The following ANKFN1 variants were observed in gnomAD, a reference collection of about 807,000 sequenced individuals.
ANKFN1 encodes the protein ankyrin repeat and fibronectin type-III domain-containing protein 1.
In ANKFN1, 74 loss-of-function variants were observed where a neutral mutation model predicts 108.7. The ratio of observed to expected loss-of-function variants is 0.68; its 90% confidence interval spans 0.56 to 0.83. ANKFN1 has a LOEUF of 0.83. ANKFN1 is among the 40% of genes least tolerant of loss of function. The pLI is 0.00. For synonymous variants in ANKFN1, 547 were observed against 516.2 expected, an observed-to-expected ratio of 1.06 and a Z score of -0.81; for missense variants, 1,505 against 1,382.3, an observed-to-expected ratio of 1.09 and a Z score of -1.41.
chr17:56,381,983 G>A (rs545779862), intron 8 of ANKFN1, among the ~76,000 whole-genome samples: 191 of 152,118 alleles, frequency 1.3e-3, no homozygotes, highest in African/African-American at 4.5e-3. Flanking sequence ...ACACATAATT[G>A]TCAGATTCAC....
rs183442177 is a variant in ANKFN1 at position 56,254,486 on chromosome 17, G to T, written c.53+26529G>T. Among the ~76,000 whole-genome samples the T allele has an allele frequency of 6.6e-5, 10 of 152,288 alleles. No homozygotes were observed. In the East Asian group the frequency reaches 1.9e-3, roughly 29 times the overall value. On this transcript the variant is annotated intron_variant, in intron 3 of 20. Coordinates refer to ENST00000682825, the MANE Select transcript of ANKFN1 (RefSeq NM_001370326.1). ...TGAATGACTGTGCTTCCTTTCCATA[G>T]CCAGGATGTCCCAGTATGTCCTTTC...
intron 6 of ANKFN1, among the ~76,000 whole-genome samples, chr17:56,369,932 T>C (rs1201343591): frequency 2.6e-5 from 4 of 152,218 alleles, no homozygotes; most frequent in Admixed American, 6.5e-5. Context: ...TTTCCCTTTT[T>C]TCAAAATCTT....
chr17:56,487,525 C>CAA (rs528515094), intron 18 of ANKFN1, among the ~76,000 whole-genome samples: 1 of 138,960 alleles, frequency 7.2e-6, no homozygotes, highest in African/African-American at 2.7e-5. Context: ...ACTAGAAAGA[C>CAA]AAAAAAAAAA....
At chr17:56,216,518 C>G (rs920228618) in intron 2 of ANKFN1, among the ~76,000 whole-genome samples, 1 of 152,212 alleles carries the variant, frequency 6.6e-6, no homozygotes, top group Non-Finnish European at 1.5e-5. Context: ...TTCAGTCAAA[C>G]AGCTCTTACT....
chr17:56,322,951 A>G (rs1040238521), intron 3 of ANKFN1, among the ~76,000 whole-genome samples: 9 of 152,204 alleles, frequency 5.9e-5, no homozygotes, highest in South Asian at 4.1e-4. Flanking sequence ...TAATATCTGC[A>G]TATAATAAAT....
intron 8 of ANKFN1, among the ~76,000 whole-genome samples, chr17:56,413,656 C>A (rs151241672): frequency 2.0e-5 from 3 of 152,088 alleles, no homozygotes; most frequent in South Asian, 2.1e-4. Context: ...TTATTGAAAG[C>A]CTTTTCTGCA....
chr17:56,244,693 C>A (rs1011887731), intron 3 of ANKFN1, among the ~76,000 whole-genome samples: 10 of 152,128 alleles, frequency 6.6e-5, no homozygotes, highest in Non-Finnish European at 1.2e-4. Context: ...ACAACCTCAG[C>A]AGAGCAGTTA....
At chr17:56,267,704 ATG>A (rs1401635654) in intron 3 of ANKFN1, among the ~76,000 whole-genome samples, 2 of 152,110 alleles carry the variant, frequency 1.3e-5, no homozygotes, top group Admixed American at 1.3e-4. Flanking sequence ...AGATGGTTGT[ATG>A]TGTGCAGCTT....
chr17:56,178,631 T>C (rs4794624), intron 1 of ANKFN1, among the ~76,000 whole-genome samples: 72,373 of 151,850 alleles, frequency 0.48, 17,457 homozygotes, highest in South Asian at 0.64. Flanking sequence ...ATTTTTAAAA[T>C]TCAACCTTGA....
At chr17:56,323,976 A>G (rs2045446217) in intron 3 of ANKFN1, among the ~76,000 whole-genome samples, 1 of 152,210 alleles carries the variant, frequency 6.6e-6, no homozygotes, top group South Asian at 2.1e-4. Flanking sequence ...GGGGCTAGAA[A>G]AATATCTCTG....
intron 4 of ANKFN1, among the ~76,000 whole-genome samples, chr17:56,335,530 G>A (rs139227212): frequency 0.11 from 16,378 of 152,032 alleles, 1,751 homozygotes; most frequent in African/African-American, 0.28. Flanking sequence ...TGTTATTGGT[G>A]TATAGGAATG....
intron 4 of ANKFN1, among the ~76,000 whole-genome samples, chr17:56,058,925 T>A (rs1335468635): frequency 1.3e-5 from 2 of 152,236 alleles, no homozygotes; most frequent in Non-Finnish European, 1.5e-5. Context: ...AGTAGAATGA[T>A]TTATAACCCT....
chr17:56,473,612 C>T (rs540413787), intron 15 of ANKFN1: 1 of 140,412 alleles, frequency 7.1e-6, no homozygotes, highest in Admixed American at 7.5e-5. Flanking sequence ...CGAGCCACCA[C>T]ACTCCAGCCT....
intron 3 of ANKFN1, 56 bp downstream of exon 3, chr17:56,228,013 C>T: frequency 6.8e-7 from 1 of 1,464,928 alleles, no homozygotes; most frequent in East Asian, 2.3e-5. Flanking sequence ...ATTCCTAAAG[C>T]CTCCTAATCT....
chr17:56,133,617 C>G (rs1418106326), intron 4 of ANKFN1, among the ~76,000 whole-genome samples: 1 of 144,848 alleles, frequency 6.9e-6, no homozygotes, highest in East Asian at 2.2e-4. Flanking sequence ...GATTTTTGGA[C>G]TTTCTGGGCT....
chr17:56,349,393 G>GAAAAAAAA (rs397690706), intron 4 of ANKFN1, among the ~76,000 whole-genome samples: 1 of 146,414 alleles, frequency 6.8e-6, no homozygotes. Context: ...TTAAAAGCTG[G>GAAAAAAAA]AAAAAAAAAA....
At chr17:56,122,646 C>T (rs1472367312) in intron 4 of ANKFN1, among the ~76,000 whole-genome samples, 1 of 152,122 alleles carries the variant, frequency 6.6e-6, no homozygotes, top group Non-Finnish European at 1.5e-5. Context: ...CTTCTTCCGC[C>T]CCTGACCAAA....
At chr17:56,453,536 T>C (rs985916601) in intron 11 of ANKFN1, among the ~76,000 whole-genome samples, 7 of 152,192 alleles carry the variant, frequency 4.6e-5, no homozygotes, top group Non-Finnish European at 1.0e-4. Flanking sequence ...CCTGCTCCAG[T>C]CTAGACTGGT....
intron 4 of ANKFN1, among the ~76,000 whole-genome samples, chr17:56,139,697 G>A (rs982957820): frequency 1.3e-5 from 2 of 152,180 alleles, no homozygotes; most frequent in East Asian, 1.9e-4. Flanking sequence ...TATAGAGGCT[G>A]CTCAGAAGTC....
Sources: allele counts gnomAD v4.1 joint callset (sites outside exome capture counted in the v4.1 genomes callset), GRCh38; gene constraint gnomAD v4.1.1; transcripts MANE v1.5; gene names NCBI Gene and HGNC (gene_info 2026-07-23, HGNC 2026-07-21).